Variants in ADAM12 observed in about 807,000 individuals in gnomAD.
ADAM12 encodes the protein disintegrin and metalloproteinase domain-containing protein 12.
Under a neutral mutation model 106.4 loss-of-function variants are expected in ADAM12, and 70 were observed. The ratio of observed to expected loss-of-function variants is 0.66; its 90% CI spans 0.54 to 0.80. ADAM12 has a LOEUF of 0.80. Among genes scored for constraint, ADAM12 ranks in the 30% least tolerant of loss-of-function variants. The probability of loss-of-function intolerance (pLI) is 0.00; values close to 1 mark genes in which losing one functional copy is unlikely to be tolerated. For synonymous variants in ADAM12, 420 were observed against 433.5 expected (o/e 0.97, Z 0.39); for missense variants, 1,010 against 1,171.9 (o/e 0.86, Z 2.02).
At chr10:126,022,606 C>T (rs576365276) in intron 21 of ADAM12, among the ~76,000 whole-genome samples, 1 of 152,300 alleles carries the variant, frequency 6.6e-6, no homozygotes, top group South Asian at 2.1e-4. Flanking sequence ...ATGAAATTGC[C>T]ATGCTGTCTT....
intron 20 of ADAM12, among the ~76,000 whole-genome samples, chr10:126,037,921 C>T (rs968349573): frequency 6.6e-6 from 1 of 152,236 alleles, no homozygotes; most frequent in Non-Finnish European, 1.5e-5. Flanking sequence ...GGAGCCAGCT[C>T]GGGCTGCAGA....
chr10:126,298,730 A>G (rs1407224498), intron 2 of ADAM12, among the ~76,000 whole-genome samples: 1 of 152,218 alleles, frequency 6.6e-6, no homozygotes, highest in Admixed American at 6.5e-5. Context: ...TAGAAGAATC[A>G]TAGTAACATT....
intron 3 of ADAM12, among the ~76,000 whole-genome samples, chr10:126,169,428 C>T (rs911784459): frequency 4.6e-5 from 7 of 152,196 alleles, no homozygotes; most frequent in Non-Finnish European, 2.9e-5. Context: ...CCCTCCCCAG[C>T]CCTTACATTA....
chr10:126,347,338 T>C (rs1204802453), intron 1 of ADAM12, among the ~76,000 whole-genome samples: 1 of 152,238 alleles, frequency 6.6e-6, no homozygotes, highest in Non-Finnish European at 1.5e-5. Flanking sequence ...TTAAGAATGT[T>C]GAATATCGGC....
chr10:126,204,240 C>T (rs552235982), intron 3 of ADAM12, among the ~76,000 whole-genome samples: 8 of 152,336 alleles, frequency 5.3e-5, no homozygotes, highest in Non-Finnish European at 1.0e-4. Context: ...TCTTCCCTAA[C>T]AAGAAGCGTA....
In ADAM12 at chr10:126,223,626, C is replaced by T. The variant is rs141802346; in HGVS notation, c.260+55289G>A. 2.5e-3 allele frequency among the ~76,000 whole-genome samples: 374 copies of T among 152,306 alleles called. 1 individual carries two copies. Among genetic ancestry groups the T allele is most frequent in the Admixed American group, 4.2e-3 (64 of 15,302 alleles). On this transcript the variant is annotated intron_variant, in intron 3 of 22. Transcript: ENST00000448723. ...CCTCCCAGCACATGCCTCTATAGTA[C>T]GAGAAGAGCAGCCCGCGTGGCCCTT...
At chr10:126,251,717 A>ATGGC (rs1958766674) in intron 3 of ADAM12, among the ~76,000 whole-genome samples, 6 of 142,484 alleles carry the variant, frequency 4.2e-5, no homozygotes, top group Non-Finnish European at 6.0e-5. Context: ...GGATGGATGG[A>ATGGC]TAGGATGGGA....
chr10:126,231,521 T>A (rs1295005462), intron 3 of ADAM12, among the ~76,000 whole-genome samples: 2 of 152,198 alleles, frequency 1.3e-5, no homozygotes, highest in Admixed American at 6.5e-5. Flanking sequence ...CTCCCTCCCA[T>A]GAGTGGTCGT....
intron 2 of ADAM12, among the ~76,000 whole-genome samples, chr10:126,291,788 A>G (rs1021341802): frequency 4.5e-4 from 69 of 152,230 alleles, no homozygotes; most frequent in African/African-American, 1.6e-3. Context: ...CAGATGAAGG[A>G]CTTGAGAAGG....
At chr10:126,380,835 G>A (rs1856462629) in intron 1 of ADAM12, among the ~76,000 whole-genome samples, 1 of 152,204 alleles carries the variant, frequency 6.6e-6, no homozygotes, top group South Asian at 2.1e-4. Flanking sequence ...GGGTTGTAGG[G>A]CTTAGCCATT....
At chr10:126,320,267 G>A (rs1459696738) in intron 2 of ADAM12, among the ~76,000 whole-genome samples, 4 of 152,182 alleles carry the variant, frequency 2.6e-5, no homozygotes, top group East Asian at 1.9e-4. Context: ...TCAGGGACAC[G>A]TGCAAGACAC....
rs76741998 is a variant in ADAM12 at position 126,176,036 on chromosome 10, C to A, written c.261-20731G>T. Reference sequence around the variant, plus strand: ...ATAAAGAAAGGCTGCCTCGCCCTCACCCTGCACACCACAGAGAAAGATCTG... The same window carrying A: ...ATAAAGAAAGGCTGCCTCGCCCTCAACCTGCACACCACAGAGAAAGATCTG... On this transcript the variant is annotated intron_variant, in intron 3 of 22. Coordinates refer to ENST00000448723, the MANE Select transcript of ADAM12 (RefSeq NM_001288973.2). Among the ~76,000 whole-genome samples, 63 of 152,332 alleles carry A rather than the reference C, an allele frequency of 4.1e-4. 2 individuals are homozygous for A. In the East Asian group the frequency reaches 0.012, roughly 29 times the overall value.
At chr10:126,382,618 A>G (rs1275780494) in intron 1 of ADAM12, among the ~76,000 whole-genome samples, 5 of 152,212 alleles carry the variant, frequency 3.3e-5, no homozygotes, top group African/African-American at 4.8e-5. Flanking sequence ...ATGAATGTTC[A>G]TCAGTCAGTA....
intron 3 of ADAM12, among the ~76,000 whole-genome samples, chr10:126,194,095 A>G (rs1435696501): frequency 6.6e-6 from 1 of 152,010 alleles, no homozygotes; most frequent in African/African-American, 2.4e-5. Context: ...GCACCATTCA[A>G]GAAACGCTCC....
At chr10:126,170,525 A>G (rs945149459) in intron 3 of ADAM12, among the ~76,000 whole-genome samples, 6 of 151,872 alleles carry the variant, frequency 4.0e-5, no homozygotes, top group African/African-American at 1.5e-4. Flanking sequence ...GCGAAGGCCC[A>G]CTGAGTTTGC....
At chr10:126,249,376 C>G (rs11244905) in intron 3 of ADAM12, among the ~76,000 whole-genome samples, 108,024 of 152,072 alleles carry the variant, frequency 0.71, 40,824 homozygotes, top group East Asian at 0.84. Flanking sequence ...GGGAAGCAGA[C>G]GCCTTACAAA....
At chr10:126,034,532 GAATAAT>G (rs965528097) in intron 21 of ADAM12, among the ~76,000 whole-genome samples, 34 of 152,138 alleles carry the variant, frequency 2.2e-4, no homozygotes, top group African/African-American at 7.9e-4. Context: ...AGAACAAACA[GAATAAT>G]ATTAACATGG....
At chr10:126,203,183 T>A (rs773043929) in intron 3 of ADAM12, among the ~76,000 whole-genome samples, 4 of 152,214 alleles carry the variant, frequency 2.6e-5, no homozygotes, top group Non-Finnish European at 5.9e-5. Flanking sequence ...GTTTCTTACC[T>A]TAATAACTAA....
intron 5 of ADAM12, among the ~76,000 whole-genome samples, chr10:126,121,986 T>C (rs186236690): frequency 6.6e-6 from 1 of 152,212 alleles, no homozygotes; most frequent in Admixed American, 6.5e-5. Context: ...AACAGATCTA[T>C]CATGCTCAGG....
Sources: allele counts gnomAD v4.1 joint callset (sites outside exome capture counted in the v4.1 genomes callset), GRCh38; gene constraint gnomAD v4.1.1; transcripts MANE v1.5; gene names NCBI Gene and HGNC (gene_info 2026-07-23, HGNC 2026-07-21).